The following LRRC18 variants were observed in gnomAD, a reference collection of about 807,000 sequenced individuals.
LRRC18 encodes the protein leucine rich repeat containing 18.
A neutral mutation model predicts 11.2 loss-of-function variants in LRRC18; 12 were observed. The ratio of observed to expected loss-of-function variants is 1.07; its 90% CI spans 0.69 to 1.74. The LOEUF (loss-of-function observed/expected upper bound fraction) is 1.74, where lower values mean the gene tolerates loss of function less well. Ranked by LOEUF, LRRC18 falls within the 40% of genes most tolerant of loss-of-function variation. The pLI is 0.00. For synonymous variants in LRRC18, 155 were observed against 130.6 expected (o/e 1.19, Z -1.27); for missense variants, 374 against 330.5 (o/e 1.13, Z -1.02).
the LRRC18 span, among the ~76,000 whole-genome samples, chr10:48,920,955 G>C: frequency 1.3e-5 from 2 of 152,008 alleles, no homozygotes; most frequent in Non-Finnish European, 2.9e-5. Flanking sequence ...AAAATATGCA[G>C]GATTTTTATA....
the LRRC18 span, among the ~76,000 whole-genome samples, chr10:48,926,255 GC>G: frequency 6.6e-6 from 1 of 152,178 alleles, no homozygotes; most frequent in South Asian, 2.1e-4. Flanking sequence ...CCCCTCCATG[GC>G]CCCAGGCCCC....
rs757315035 is a variant in LRRC18, at chr10:48,910,258, T to C, written c.765A>G (p.Arg255=). 5.6e-6 allele frequency: 9 copies of C among 1,613,690 alleles called. No individual in the cohort carries two copies. The African/African-American group carries it at 1.2e-4, about 22-fold the overall frequency. ...TACTCTAGGAAGATGTCAAGCGTATTCTGGGGATGGAGACACAAGAAGGTG... is the reference window on the plus strand; with the variant it reads ...TACTCTAGGAAGATGTCAAGCGTATCCTGGGGATGGAGACACAAGAAGGTG... The change falls in exon 2 of 2, where the codon AGA becomes AGG. Residue 255 remains arginine (R), a splice_region_variant and synonymous_variant. Coordinates refer to ENST00000374160, the Ensembl canonical transcript of LRRC18.
chr10:48,928,384 G>C, the LRRC18 span, among the ~76,000 whole-genome samples: 1 of 151,614 alleles, frequency 6.6e-6, no homozygotes, highest in African/African-American at 2.4e-5. Context: ...GTGTGTGTGT[G>C]TGTGTGTGTG....
the LRRC18 span, among the ~76,000 whole-genome samples, chr10:48,935,987 G>A: frequency 6.6e-6 from 1 of 150,984 alleles, no homozygotes; most frequent in Non-Finnish European, 1.5e-5. Flanking sequence ...AAATTATTAT[G>A]CAGATGATAA....
At chr10:48,921,577 A>C in the LRRC18 span, among the ~76,000 whole-genome samples, 1 of 143,066 alleles carries the variant, frequency 7.0e-6, no homozygotes, top group South Asian at 2.3e-4. Context: ...GATAGTATTA[A>C]TAAGTTGAAC....
At chr10:48,928,046 T>C in the LRRC18 span, among the ~76,000 whole-genome samples, 121 of 152,324 alleles carry the variant, frequency 7.9e-4, no homozygotes, top group African/African-American at 2.9e-3. Context: ...GAGCAGTGAT[T>C]CCATTCCACC....
chr10:48,929,298 T>C, the LRRC18 span, among the ~76,000 whole-genome samples: 1 of 152,074 alleles, frequency 6.6e-6, no homozygotes, highest in African/African-American at 2.4e-5. Flanking sequence ...CAATAAAAGA[T>C]AATAAAGAGG....
At chr10:48,914,071 T>G in exon 1 of LRRC18, 1 of 1,614,232 alleles carries the variant, frequency 6.2e-7, no homozygotes, top group Non-Finnish European at 8.5e-7. Flanking sequence ...AGGCGCTTTT[T>G]CCCATCAAAA....
chr10:48,934,248 C>T, the LRRC18 span, among the ~76,000 whole-genome samples: 2 of 152,240 alleles, frequency 1.3e-5, no homozygotes, highest in Non-Finnish European at 2.9e-5. Flanking sequence ...ATGTGCCCGA[C>T]CCTTTGCAAA....
At chr10:48,919,038 A>G (rs142358498), upstream of LRRC18, among the ~76,000 whole-genome samples, 51 of 152,354 alleles carry the variant, frequency 3.3e-4, no homozygotes, top group African/African-American at 1.2e-3. Context: ...TCAAGTACAT[A>G]TGGAATATCC....
the LRRC18 span, among the ~76,000 whole-genome samples, chr10:48,919,641 C>T: frequency 2.6e-5 from 4 of 152,134 alleles, no homozygotes; most frequent in African/African-American, 9.7e-5. Context: ...TTGCCGTGTC[C>T]TCACATGGTA....
At chr10:48,924,609 T>C in the LRRC18 span, among the ~76,000 whole-genome samples, 2 of 152,232 alleles carry the variant, frequency 1.3e-5, no homozygotes, top group African/African-American at 2.4e-5. Context: ...TGTGTCTTTT[T>C]GTTCTTGTAC....
the LRRC18 span, among the ~76,000 whole-genome samples, chr10:48,926,821 G>A: frequency 6.6e-6 from 1 of 152,158 alleles, no homozygotes; most frequent in Admixed American, 6.5e-5. Flanking sequence ...ATAATGCCAC[G>A]AGCCAGTTCA....
At chr10:48,921,092 G>A in the LRRC18 span, among the ~76,000 whole-genome samples, 1 of 152,132 alleles carries the variant, frequency 6.6e-6, no homozygotes, top group African/African-American at 2.4e-5. Flanking sequence ...AAAATTACAG[G>A]AGGATTATTT....
chr10:48,925,400 C>T, the LRRC18 span, among the ~76,000 whole-genome samples: 9 of 152,234 alleles, frequency 5.9e-5, no homozygotes, highest in Non-Finnish European at 8.8e-5. Flanking sequence ...CTGGGCAGGC[C>T]GCTGAAATCA....
chr10:48,913,439 A>C (rs769123912), exon 1 of LRRC18: 1 of 1,612,824 alleles, frequency 6.2e-7, no homozygotes, highest in Non-Finnish European at 8.5e-7. Context: ...GTGAGATCAG[A>C]TTGGGAAAGA....
the LRRC18 span, among the ~76,000 whole-genome samples, chr10:48,920,432 G>T: frequency 6.6e-6 from 1 of 151,954 alleles, no homozygotes; most frequent in Admixed American, 6.6e-5. Flanking sequence ...CGAATTAATG[G>T]GTGCAGCACA....
At chr10:48,925,489 G>A in the LRRC18 span, among the ~76,000 whole-genome samples, 1 of 152,308 alleles carries the variant, frequency 6.6e-6, no homozygotes, top group South Asian at 2.1e-4. Flanking sequence ...ATTGTGTGCT[G>A]TGCTACTTGC....
chr10:48,921,062 C>T, the LRRC18 span, among the ~76,000 whole-genome samples: 1 of 152,102 alleles, frequency 6.6e-6, no homozygotes, highest in Admixed American at 6.5e-5. Flanking sequence ...AATGTCAACT[C>T]TCCCCAAATT....
Sources: gnomAD v4.1 joint callset for allele counts (sites outside exome capture counted in the v4.1 genomes callset) on GRCh38, gnomAD v4.1.1 for gene constraint, MANE v1.5 for transcripts, NCBI Gene and HGNC (gene_info 2026-07-23, HGNC 2026-07-21) for gene names.